CDKAL1: variants seen among roughly 807,000 people sequenced by gnomAD.
The protein encoded by CDKAL1 is threonylcarbamoyladenosine tRNA methylthiotransferase.
A neutral mutation model predicts 68.2 loss-of-function variants in CDKAL1; 32 were observed. The observed-to-expected ratio is 0.47, with a 90% CI of 0.35 to 0.63. CDKAL1 has a LOEUF of 0.63. CDKAL1 is among the 30% of genes least tolerant of loss of function. CDKAL1 has a pLI of 0.00. For missense variants in CDKAL1, 606 were observed against 696.7 expected, an observed-to-expected ratio of 0.87 and a Z score of 1.47; for synonymous variants, 234 against 244.3, an observed-to-expected ratio of 0.96 and a Z score of 0.39.
At chr6:20,883,125 C>T (rs1016773630) in intron 9 of CDKAL1, among the ~76,000 whole-genome samples, 1 of 152,224 alleles carries the variant, frequency 6.6e-6, no homozygotes, top group East Asian at 1.9e-4. Flanking sequence ...GCTATGAGTT[C>T]TGACAGATTG....
At chr6:20,889,304 TC>T (rs1761255505) in intron 9 of CDKAL1, among the ~76,000 whole-genome samples, 2 of 152,188 alleles carry the variant, frequency 1.3e-5, no homozygotes, top group African/African-American at 4.8e-5. Context: ...GCGAAAATTT[TC>T]TCCCATGTTG....
At chr6:21,148,690 G>A (rs1279952935) in intron 13 of CDKAL1, among the ~76,000 whole-genome samples, 2 of 152,006 alleles carry the variant, frequency 1.3e-5, no homozygotes, top group African/African-American at 2.4e-5. Context: ...TTTCAAAGTT[G>A]AAGAAAATGG....
chr6:20,894,041 G>C (rs1415813465), intron 9 of CDKAL1, among the ~76,000 whole-genome samples: 1 of 152,122 alleles, frequency 6.6e-6, no homozygotes, highest in Non-Finnish European at 1.5e-5. Flanking sequence ...TTTTTGACAT[G>C]TAATTGTGTG....
At chr6:20,992,471 G>A (rs1454625292) in intron 10 of CDKAL1, among the ~76,000 whole-genome samples, 1 of 152,096 alleles carries the variant, frequency 6.6e-6, no homozygotes, top group Non-Finnish European at 1.5e-5. Flanking sequence ...TTGTGTTAGA[G>A]CCAGGAAATG....
chr6:21,042,908 T>C (rs1555052), intron 11 of CDKAL1, among the ~76,000 whole-genome samples: 42,828 of 151,998 alleles, frequency 0.28, 6,245 homozygotes, highest in South Asian at 0.35. Flanking sequence ...CCTGAACGCC[T>C]CTGCTCTGGC....
chr6:20,881,215 A>G (rs1760797333), intron 9 of CDKAL1, among the ~76,000 whole-genome samples: 1 of 152,174 alleles, frequency 6.6e-6, no homozygotes, highest in Non-Finnish European at 1.5e-5. Context: ...AGAGTCTGCG[A>G]TTCAGTAGGT....
chr6:21,079,478 G>A (rs7750461), intron 12 of CDKAL1, among the ~76,000 whole-genome samples: 19,619 of 152,152 alleles, frequency 0.13, 1,637 homozygotes, highest in Non-Finnish European at 0.17. Context: ...CTTTAGATAC[G>A]TCTTCTTCTT....
At chr6:21,088,695 A>G (rs1346762218) in intron 12 of CDKAL1, among the ~76,000 whole-genome samples, 1 of 152,210 alleles carries the variant, frequency 6.6e-6, no homozygotes, top group Non-Finnish European at 1.5e-5. Context: ...TAATCCCAGC[A>G]CTTTGGGAGG....
intron 4 of CDKAL1, among the ~76,000 whole-genome samples, chr6:20,549,580 A>ATATTTATTTATT: frequency 6.8e-6 from 1 of 147,866 alleles, no homozygotes; most frequent in African/African-American, 2.5e-5. Flanking sequence ...CTTTACATTT[A>ATATTTATTTATT]TATTTATTTA....
chr6:20,746,952 A>G (rs1773688044), intron 6 of CDKAL1, among the ~76,000 whole-genome samples: 1 of 152,162 alleles, frequency 6.6e-6, no homozygotes, highest in African/African-American at 2.4e-5. Flanking sequence ...GACTTGTCCT[A>G]CATAACTGCA....
At chr6:20,898,597 CA>C (rs939273714) in intron 9 of CDKAL1, among the ~76,000 whole-genome samples, 9 of 151,794 alleles carry the variant, frequency 5.9e-5, no homozygotes, top group African/African-American at 1.9e-4. Context: ...CATCTGAAAT[CA>C]AAGAGATGGA....
chr6:20,984,490 A>C (rs1269006264), intron 10 of CDKAL1, among the ~76,000 whole-genome samples: 1 of 152,196 alleles, frequency 6.6e-6, no homozygotes, highest in Non-Finnish European at 1.5e-5. Flanking sequence ...GGACGGCTTA[A>C]GTGTTAACAG....
chr6:21,197,943 C>T (rs1582400894), intron 13 of CDKAL1, 78 bp from the exon 14 acceptor site: 1 of 844,990 alleles, frequency 1.2e-6, no homozygotes, highest in Non-Finnish European at 1.9e-6. Context: ...CCTACCTGGG[C>T]TAGCCTTTAT....
Position 21,231,642 on chromosome 6 carries a change from T to A in CDKAL1, c.*603T>A, listed in dbSNP as rs927434161. On this transcript the variant is annotated 3_prime_UTR_variant, in exon 16 of 16. Coordinates refer to ENST00000274695, the MANE Select transcript of CDKAL1 (RefSeq NM_017774.3). ...CGGAGTTTCACCATGTTGGCCAGGC[T>A]AGTCTCGAACTCCTGACCTCAAGTG... The A allele has an allele frequency of 2.0e-5, 3 of 152,252 alleles. No homozygotes were observed. The highest frequency in any genetic ancestry group is 2.9e-5 in the Non-Finnish European group (2 of 68,098). The allele number at this position is 152,252 out of a possible 1,614,324, so 9.4% of individuals were successfully genotyped here.
intron 11 of CDKAL1, among the ~76,000 whole-genome samples, chr6:21,060,610 C>T (rs1480115792): frequency 1.3e-5 from 2 of 151,974 alleles, no homozygotes; most frequent in East Asian, 3.9e-4. Context: ...GAAGTGGAAG[C>T]TTAGATTTTT....
At chr6:20,947,278 G>C (rs1764285497) in intron 9 of CDKAL1, among the ~76,000 whole-genome samples, 1 of 152,146 alleles carries the variant, frequency 6.6e-6, no homozygotes, top group South Asian at 2.1e-4. Flanking sequence ...CCCATTGTAA[G>C]TTGAAAATAT....
At chr6:21,085,021 A>G (rs958916656) in intron 12 of CDKAL1, among the ~76,000 whole-genome samples, 5 of 152,238 alleles carry the variant, frequency 3.3e-5, no homozygotes, top group African/African-American at 1.2e-4. Context: ...ATAATTTGTC[A>G]GGTACCTGAA....
chr6:20,874,282 A>G (rs1266121478), intron 9 of CDKAL1, among the ~76,000 whole-genome samples: 1 of 147,344 alleles, frequency 6.8e-6, no homozygotes, highest in African/African-American at 2.5e-5. Context: ...GAACAAGGAA[A>G]TAGCAAGTTT....
intron 5 of CDKAL1, among the ~76,000 whole-genome samples, chr6:20,724,018 C>T (rs924490268): frequency 2.0e-5 from 3 of 152,146 alleles, no homozygotes; most frequent in Non-Finnish European, 2.9e-5. Flanking sequence ...GTGTAACCTC[C>T]GCCTACTGGG....
Sources: gnomAD v4.1 joint callset for allele counts (sites outside exome capture counted in the v4.1 genomes callset) on GRCh38, gnomAD v4.1.1 for gene constraint, MANE v1.5 for transcripts, NCBI Gene and HGNC (gene_info 2026-07-23, HGNC 2026-07-21) for gene names.